The following CCSER1 variants were observed in gnomAD, a reference collection of about 807,000 sequenced individuals.
CCSER1 encodes the protein coiled-coil serine rich protein 1.
In CCSER1, 41 loss-of-function variants were observed where a neutral mutation model predicts 82.0. The ratio of observed to expected loss-of-function variants is 0.50; its 90% CI spans 0.39 to 0.65. The LOEUF is 0.65. Ranked by LOEUF, CCSER1 falls within the 30% of genes least tolerant of loss-of-function variation. The probability of loss-of-function intolerance (pLI) is 0.00; values close to 1 mark genes in which losing one functional copy is unlikely to be tolerated. For missense variants in CCSER1, 1,119 were observed against 1,064.2 expected (o/e 1.05, Z -0.72); for synonymous variants, 414 against 383.9 (o/e 1.08, Z -0.92).
At chr4:90,695,585 C>A (rs950164765) in intron 6 of CCSER1, among the ~76,000 whole-genome samples, 10 of 151,902 alleles carry the variant, frequency 6.6e-5, no homozygotes, top group Non-Finnish European at 1.2e-4. Flanking sequence ...CATGTAAAGG[C>A]AATACAGTTG....
intron 1 of CCSER1, among the ~76,000 whole-genome samples, chr4:90,270,665 A>C (rs1018495790): frequency 6.6e-6 from 1 of 152,094 alleles, no homozygotes; most frequent in Admixed American, 6.5e-5. Flanking sequence ...CTACTGTCTG[A>C]TTGAAAGAAA....
intron 8 of CCSER1, among the ~76,000 whole-genome samples, chr4:90,835,084 C>G (rs1462058314): frequency 2.0e-5 from 3 of 152,172 alleles, no homozygotes; most frequent in African/African-American, 7.2e-5. Flanking sequence ...TTAATCCCAG[C>G]ACTTTGGGAG....
At chr4:90,843,860 C>A (rs193252292) in intron 8 of CCSER1, among the ~76,000 whole-genome samples, 1 of 151,978 alleles carries the variant, frequency 6.6e-6, no homozygotes, top group Non-Finnish European at 1.5e-5. Context: ...TTACTGCACT[C>A]CTTTAAGAAA....
chr4:91,171,035 A>G (rs1049582148), intron 10 of CCSER1, among the ~76,000 whole-genome samples: 3 of 152,232 alleles, frequency 2.0e-5, no homozygotes, highest in Admixed American at 6.5e-5. Context: ...CACATGTTGT[A>G]GTCTTTGCAA....
At chr4:90,811,983 T>TAAACACACACACACAC (rs1435975989) in intron 7 of CCSER1, among the ~76,000 whole-genome samples, 1,399 of 124,432 alleles carry the variant, frequency 0.011, 27 homozygotes, top group African/African-American at 0.042. Flanking sequence ...TATATATATA[T>TAAACACACACACACAC]ATATATAAAC....
intron 3 of CCSER1, among the ~76,000 whole-genome samples, chr4:90,325,066 C>T (rs1362144764): frequency 6.6e-6 from 1 of 152,196 alleles, no homozygotes; most frequent in Non-Finnish European, 1.5e-5. Flanking sequence ...TAATGCCTCT[C>T]CTTCACATGT....
intron 10 of CCSER1, among the ~76,000 whole-genome samples, chr4:91,137,414 T>A (rs1451311791): frequency 1.5e-5 from 1 of 66,480 alleles, no homozygotes; most frequent in Middle Eastern, 4.5e-3. Context: ...TCTATCATTG[T>A]TGGACATTTG....
intron 5 of CCSER1, among the ~76,000 whole-genome samples, chr4:90,601,283 C>CTG (rs1194435798): frequency 6.6e-6 from 1 of 151,448 alleles, no homozygotes; most frequent in African/African-American, 2.4e-5. Context: ...GCTGTTAGCT[C>CTG]TGTGTATGTA....
Position 91,465,457 on chromosome 4 carries a change from G to C in CCSER1, c.2218-133115G>C, listed in dbSNP as rs182658462. Reference sequence around the variant, plus strand: ...AATTAAAAGAACTAGAGAAGCAAGAGCAAACATATTCAAAAGCTAGCAGAA... The same window carrying C: ...AATTAAAAGAACTAGAGAAGCAAGACCAAACATATTCAAAAGCTAGCAGAA... On this transcript the variant is annotated intron_variant, in intron 10 of 10. Transcript: ENST00000509176. Among the ~76,000 whole-genome samples, 490 of 152,074 alleles carry C rather than the reference G, an allele frequency of 3.2e-3. 14 individuals carry two copies. Among genetic ancestry groups the C allele is most frequent in the Admixed American group, 0.026 (401 of 15,292 alleles).
At chr4:90,291,369 A>T (rs1730915826) in intron 1 of CCSER1, among the ~76,000 whole-genome samples, 1 of 151,978 alleles carries the variant, frequency 6.6e-6, no homozygotes, top group African/African-American at 2.4e-5. Context: ...AGGCAGAACT[A>T]CCTAAATGTT....
chr4:91,158,263 T>G (rs984308529), intron 10 of CCSER1, among the ~76,000 whole-genome samples: 1 of 152,024 alleles, frequency 6.6e-6, no homozygotes, highest in Non-Finnish European at 1.5e-5. Flanking sequence ...TTTTATGCTT[T>G]CTTTTTGCCT....
intron 1 of CCSER1, among the ~76,000 whole-genome samples, chr4:90,244,855 G>T (rs1176768834): frequency 1.3e-5 from 2 of 152,114 alleles, no homozygotes; most frequent in Admixed American, 6.6e-5. Context: ...CATAAAAATT[G>T]CTTAGAAATA....
intron 3 of CCSER1, among the ~76,000 whole-genome samples, chr4:90,346,534 C>T (rs961321605): frequency 7.9e-5 from 12 of 152,118 alleles, no homozygotes; most frequent in Middle Eastern, 3.4e-3. Context: ...TTCTTAACTT[C>T]GAATGCTTTC....
intron 3 of CCSER1, among the ~76,000 whole-genome samples, chr4:90,369,268 AAG>A (rs1243468120): frequency 2.9e-5 from 2 of 69,342 alleles, no homozygotes; most frequent in Non-Finnish European, 5.6e-5. Flanking sequence ...AGGAGGAAGA[AAG>A]AAGAAGAAGA....
intron 10 of CCSER1, among the ~76,000 whole-genome samples, chr4:91,495,817 T>A (rs1758772935): frequency 1.3e-5 from 2 of 151,708 alleles, no homozygotes; most frequent in Admixed American, 1.3e-4. Flanking sequence ...ATTTTAACTT[T>A]ATTATAAATT....
At chr4:90,429,402 G>A (rs977149906) in intron 4 of CCSER1, among the ~76,000 whole-genome samples, 7 of 151,782 alleles carry the variant, frequency 4.6e-5, no homozygotes, top group African/African-American at 1.7e-4. Context: ...ATCTGCACAT[G>A]TGAAATTTGA....
intron 10 of CCSER1, among the ~76,000 whole-genome samples, chr4:91,471,054 C>T (rs577096707): frequency 6.6e-6 from 1 of 152,236 alleles, no homozygotes; most frequent in East Asian, 1.9e-4. Flanking sequence ...AAAAAGCCTA[C>T]TTATATAACT....
At chr4:90,611,681 C>T (rs1359313897) in intron 5 of CCSER1, among the ~76,000 whole-genome samples, 1 of 149,086 alleles carries the variant, frequency 6.7e-6, no homozygotes, top group Non-Finnish European at 1.5e-5. Flanking sequence ...AAAGTTATTT[C>T]CTGTTCATTC....
At chr4:90,327,506 T>A (rs1026907139) in intron 3 of CCSER1, among the ~76,000 whole-genome samples, 7 of 152,218 alleles carry the variant, frequency 4.6e-5, no homozygotes, top group Non-Finnish European at 1.0e-4. Flanking sequence ...TTCTGTATCC[T>A]ACTTGCTCCT....
Sources: allele counts gnomAD v4.1 joint callset (sites outside exome capture counted in the v4.1 genomes callset), GRCh38; gene constraint gnomAD v4.1.1; transcripts MANE v1.5; gene names NCBI Gene and HGNC (gene_info 2026-07-23, HGNC 2026-07-21).